Variants in ZDHHC14 observed in about 807,000 individuals in gnomAD.
The protein encoded by ZDHHC14 is zDHHC palmitoyltransferase 14.
A neutral mutation model predicts 47.7 loss-of-function variants in ZDHHC14; 16 were observed. The ratio of observed to expected loss-of-function variants is 0.34; its 90% CI spans 0.23 to 0.51. The LOEUF (loss-of-function observed/expected upper bound fraction) is 0.51. Among genes scored for constraint, ZDHHC14 ranks in the 20% least tolerant of loss-of-function variants. The pLI is 0.97. For synonymous variants in ZDHHC14, 293 were observed against 278.9 expected (o/e 1.05, Z -0.50); for missense variants, 515 against 662.5 (o/e 0.78, Z 2.44).
chr6:157,428,138 C>T (rs753416564), intron 1 of ZDHHC14, among the ~76,000 whole-genome samples: 1 of 152,094 alleles, frequency 6.6e-6, no homozygotes, highest in East Asian at 1.9e-4. Context: ...AGGAGAGTGC[C>T]GCAAAGGCAG....
At chr6:157,646,644 G>A (rs996788087) in intron 6 of ZDHHC14, among the ~76,000 whole-genome samples, 4 of 150,202 alleles carry the variant, frequency 2.7e-5, no homozygotes, top group Non-Finnish European at 4.4e-5. Context: ...GAAACAAAAT[G>A]TTAGAGAATG....
intron 1 of ZDHHC14, among the ~76,000 whole-genome samples, chr6:157,458,849 A>ATTTTTTTTTTTTTTTTTTCTTTTTT (rs1778993017): frequency 1.2e-5 from 1 of 81,226 alleles, no homozygotes; most frequent in Non-Finnish European, 2.3e-5. Context: ...ATGTGGGTGG[A>ATTTTTTTTTTTTTTTTTTCTTTTTT]TTTTTTTTTT....
At chr6:157,668,009 G>A (rs1056048793) in intron 8 of ZDHHC14, among the ~76,000 whole-genome samples, 49 of 152,308 alleles carry the variant, frequency 3.2e-4, no homozygotes, top group African/African-American at 1.0e-3. Flanking sequence ...GTGACACCCT[G>A]CAGAACAGAG....
Position 157,384,412 on chromosome 6 carries a change from T to C in ZDHHC14, c.245+2146T>C, listed in dbSNP as rs912791624. On this transcript the variant is annotated intron_variant, in intron 1 of 8. Transcript: ENST00000359775. ...CCCAAAAGTCCTCACTAGCAGGTTG[T>C]TAAGGATCTTTCTCTGTGTCAGTGT... Among the ~76,000 whole-genome samples, 2 of 152,372 alleles carry C rather than the reference T, an allele frequency of 1.3e-5. 1 individual carries two copies. Among genetic ancestry groups the C allele is most frequent in the South Asian group, 4.1e-4 (2 of 4,834 alleles).
intron 1 of ZDHHC14, among the ~76,000 whole-genome samples, chr6:157,410,840 G>A (rs1777857989): frequency 6.6e-6 from 1 of 152,108 alleles, no homozygotes; most frequent in Non-Finnish European, 1.5e-5. Flanking sequence ...GGGATTACAG[G>A]CACACGCCAC....
chr6:157,543,879 C>A (rs560467148), intron 2 of ZDHHC14, among the ~76,000 whole-genome samples: 81 of 152,336 alleles, frequency 5.3e-4, no homozygotes, highest in African/African-American at 1.9e-3. Flanking sequence ...GATTCCAAGA[C>A]AGGGCATGCT....
intron 1 of ZDHHC14, among the ~76,000 whole-genome samples, chr6:157,396,916 A>C (rs1777533674): frequency 6.6e-6 from 1 of 152,222 alleles, no homozygotes. Flanking sequence ...GAAACTACTA[A>C]CATTCTATTT....
At chr6:157,671,645 G>T (rs915442354) in intron 8 of ZDHHC14, among the ~76,000 whole-genome samples, 1 of 152,150 alleles carries the variant, frequency 6.6e-6, no homozygotes, top group South Asian at 2.1e-4. Flanking sequence ...TATCTTCTTT[G>T]CCCAGTGAGC....
intron 2 of ZDHHC14, among the ~76,000 whole-genome samples, chr6:157,543,130 T>C (rs1252033241): frequency 2.0e-5 from 3 of 152,224 alleles, no homozygotes; most frequent in African/African-American, 7.2e-5. Flanking sequence ...TTCCATGATA[T>C]AAATCTAGGA....
chr6:157,536,824 T>C (rs1781559969), intron 1 of ZDHHC14, among the ~76,000 whole-genome samples: 1 of 89,630 alleles, frequency 1.1e-5, no homozygotes, highest in Non-Finnish European at 2.1e-5. Flanking sequence ...TCTATCTTTT[T>C]TTTTTTTTTT....
chr6:157,436,282 T>G (rs1183448388), intron 1 of ZDHHC14, among the ~76,000 whole-genome samples: 2 of 151,994 alleles, frequency 1.3e-5, no homozygotes, highest in African/African-American at 4.8e-5. Flanking sequence ...AGATACGAGG[T>G]TGTTTGGAAG....
intron 2 of ZDHHC14, among the ~76,000 whole-genome samples, chr6:157,577,768 T>C (rs1313699269): frequency 6.6e-6 from 1 of 152,234 alleles, no homozygotes; most frequent in Non-Finnish European, 1.5e-5. Context: ...CAGGATGGTC[T>C]CAAACTCCTG....
intron 6 of ZDHHC14, among the ~76,000 whole-genome samples, chr6:157,646,673 C>G (rs1583068038): frequency 6.6e-6 from 1 of 151,432 alleles, no homozygotes; most frequent in South Asian, 2.1e-4. Context: ...GCAGCGTGGT[C>G]CTCTTTGCTC....
chr6:157,542,508 G>C lies in ZDHHC14; in HGVS notation c.246-77G>C. ...AGCTTTTGATTTCTTAGAAGATAAA[G>C]ACTGCTTACTGTTGATTCCTAACAT... On this transcript the variant is annotated intron_variant, in intron 1 of 8. Transcript: ENST00000359775. 6.0e-6 allele frequency: 9 copies of C among 1,507,828 alleles called. No homozygotes were observed. In the South Asian group the frequency reaches 1.0e-4, roughly 17 times the overall value. The allele number at this position is 1,507,828 out of a possible 1,614,324, so 93.4% of individuals were successfully genotyped here. A position where few individuals can be genotyped will look rare whatever the true frequency, so the allele number is the denominator to read the frequency against.
intron 5 of ZDHHC14, among the ~76,000 whole-genome samples, chr6:157,636,578 C>T (rs1403869750): frequency 6.6e-6 from 1 of 152,106 alleles, no homozygotes; most frequent in Admixed American, 6.5e-5. Flanking sequence ...CTGCTGGGCT[C>T]CTGCCTGGGA....
chr6:157,665,085 G>C (rs1490314930), intron 8 of ZDHHC14, among the ~76,000 whole-genome samples: 1 of 152,188 alleles, frequency 6.6e-6, no homozygotes, highest in African/African-American at 2.4e-5. Context: ...GGCTTACCTT[G>C]TGAGTTTCCC....
At chr6:157,632,699 C>G in intron 4 of ZDHHC14, 135 bp from the exon 5 acceptor site, 2 of 859,820 alleles carry the variant, frequency 2.3e-6, no homozygotes, top group South Asian at 3.0e-5. Flanking sequence ...GATCGGTAAA[C>G]TGGGTGTCGT....
intron 2 of ZDHHC14, among the ~76,000 whole-genome samples, chr6:157,551,378 CAG>C (rs1214481775): frequency 1.3e-5 from 2 of 152,186 alleles, no homozygotes; most frequent in African/African-American, 4.8e-5. Context: ...CCACTGACAA[CAG>C]AGCCAATCAG....
rs143711907 is a variant in ZDHHC14, at chr6:157,508,820, G to A, written c.246-33765G>A. On this transcript the variant is annotated intron_variant, in intron 1 of 8. Transcript: ENST00000359775. ...TTAAATTCACCTGCAATATCTTTCA[G>A]TACCAAAAACTCCTTCTTGTTCTCT... 7.7e-4 allele frequency among the ~76,000 whole-genome samples: 117 copies of A among 151,692 alleles called. 4 individuals are homozygous for A. Among genetic ancestry groups the A allele is most frequent in the African/African-American group, 2.8e-3 (113 of 41,010 alleles).
Sources: allele counts gnomAD v4.1 joint callset (sites outside exome capture counted in the v4.1 genomes callset), GRCh38; gene constraint gnomAD v4.1.1; transcripts MANE v1.5; gene names NCBI Gene and HGNC (gene_info 2026-07-23, HGNC 2026-07-21).